The following ASAP1 variants were observed in gnomAD, a reference collection of about 807,000 sequenced individuals.
ASAP1 encodes arf-GAP with SH3 domain, ANK repeat and PH domain-containing protein 1.
A neutral mutation model predicts 145.2 loss-of-function variants in ASAP1; 43 were observed. That is an observed-to-expected ratio of 0.30 (90% confidence interval 0.23 to 0.38). The LOEUF is 0.38. Among genes scored for constraint, ASAP1 ranks in the 10% least tolerant of loss-of-function variants. The pLI, the probability that ASAP1 is intolerant of heterozygous loss-of-function variation, is 1.00. For synonymous variants in ASAP1, 546 were observed against 515.5 expected, an observed-to-expected ratio of 1.06 and a Z score of -0.80; for missense variants, 1,018 against 1,355.3, an observed-to-expected ratio of 0.75 and a Z score of 3.91.
intron 13 of ASAP1, among the ~76,000 whole-genome samples, chr8:130,142,100 G>T (rs535473665): frequency 2.0e-5 from 3 of 152,184 alleles, no homozygotes; most frequent in Non-Finnish European, 4.4e-5. Flanking sequence ...TGTGAGGGAA[G>T]TCTTCAGTTT....
chr8:130,173,494 C>A (rs902178419), intron 9 of ASAP1, among the ~76,000 whole-genome samples: 1 of 152,120 alleles, frequency 6.6e-6, no homozygotes, highest in African/African-American at 2.4e-5. Context: ...CTACTGCACA[C>A]ATGGCTCATG....
intron 3 of ASAP1, among the ~76,000 whole-genome samples, chr8:130,266,338 C>CT (rs1820243981): frequency 6.6e-6 from 1 of 151,996 alleles, no homozygotes; most frequent in Non-Finnish European, 1.5e-5. Flanking sequence ...CAACAGGGGT[C>CT]TAGACATTCA....
At chr8:130,415,294 C>T (rs1212644217) in intron 1 of ASAP1, among the ~76,000 whole-genome samples, 1 of 151,354 alleles carries the variant, frequency 6.6e-6, no homozygotes, top group Non-Finnish European at 1.5e-5. Context: ...TATAGTGAGA[C>T]TTCATCTCTA....
chr8:130,302,875 C>A (rs1398864529), intron 3 of ASAP1, among the ~76,000 whole-genome samples: 1 of 152,144 alleles, frequency 6.6e-6, no homozygotes, highest in Admixed American at 6.5e-5. Flanking sequence ...ATGGAAAGTT[C>A]TTCTTCCTGT....
intron 1 of ASAP1, among the ~76,000 whole-genome samples, chr8:130,440,417 G>C (rs1830451886): frequency 1.3e-5 from 2 of 151,448 alleles, no homozygotes; most frequent in South Asian, 2.1e-4. Context: ...TGAGGCAGGA[G>C]AATCACCTGA....
At chr8:130,321,349 T>G (rs947525099) in intron 3 of ASAP1, among the ~76,000 whole-genome samples, 1 of 152,012 alleles carries the variant, frequency 6.6e-6, no homozygotes, top group Non-Finnish European at 1.5e-5. Context: ...GGCTTACACA[T>G]GAGGGTCTGG....
At chr8:130,266,453 T>A (rs1820250471) in intron 3 of ASAP1, among the ~76,000 whole-genome samples, 1 of 152,136 alleles carries the variant, frequency 6.6e-6, no homozygotes, top group Non-Finnish European at 1.5e-5. Context: ...TAAAATCTTT[T>A]AAAAAATATT....
chr8:130,242,111 T>C (rs1230573304), intron 3 of ASAP1, among the ~76,000 whole-genome samples: 3 of 151,956 alleles, frequency 2.0e-5, no homozygotes, highest in Non-Finnish European at 2.9e-5. Context: ...TGCCTAGAAG[T>C]GGCTAGCACA....
At chr8:130,320,718 C>G (rs1282446577) in intron 3 of ASAP1, among the ~76,000 whole-genome samples, 2 of 151,640 alleles carry the variant, frequency 1.3e-5, no homozygotes, top group African/African-American at 4.8e-5. Context: ...TCTCTAGTAT[C>G]ACATTAAAAA....
intron 25 of ASAP1, among the ~76,000 whole-genome samples, chr8:130,086,336 T>C (rs560450664): frequency 6.6e-6 from 1 of 152,334 alleles, no homozygotes; most frequent in East Asian, 1.9e-4. Context: ...TGTGTAACCA[T>C]GGTTAAGAAT....
intron 2 of ASAP1, among the ~76,000 whole-genome samples, chr8:130,379,276 T>C (rs1342413493): frequency 6.6e-6 from 1 of 152,174 alleles, no homozygotes; most frequent in Non-Finnish European, 1.5e-5. Context: ...ATCGCTTCTA[T>C]TGGGCTGTCC....
chr8:130,225,964 G>T (rs564782230), intron 4 of ASAP1, among the ~76,000 whole-genome samples: 2 of 151,834 alleles, frequency 1.3e-5, no homozygotes, highest in South Asian at 2.1e-4. Flanking sequence ...CTGTAGCCTC[G>T]ATCTCCTGGC....
intron 27 of ASAP1, among the ~76,000 whole-genome samples, chr8:130,072,837 G>GA: frequency 7.5e-6 from 1 of 133,246 alleles, no homozygotes; most frequent in Non-Finnish European, 1.8e-5. Flanking sequence ...GCGCGGGGGG[G>GA]GGCAGTTTTG....
chr8:130,056,107 A>G (rs2097403471), intron 29 of ASAP1, among the ~76,000 whole-genome samples: 1 of 152,242 alleles, frequency 6.6e-6, no homozygotes, highest in Non-Finnish European at 1.5e-5. Flanking sequence ...TGATTATAAT[A>G]ATATTAACAG....
chr8:130,434,152 C>A (rs1830228127), intron 1 of ASAP1, among the ~76,000 whole-genome samples: 1 of 152,152 alleles, frequency 6.6e-6, no homozygotes, highest in East Asian at 1.9e-4. Flanking sequence ...CCCATCTCTA[C>A]TAAAAATACA....
intron 15 of ASAP1, among the ~76,000 whole-genome samples, chr8:130,130,774 T>C (rs2097581702): frequency 6.6e-6 from 1 of 151,948 alleles, no homozygotes; most frequent in Non-Finnish European, 1.5e-5. Flanking sequence ...CTAACCACCA[T>C]AGTGCACGTA....
chr8:130,358,405 C>T lies in ASAP1; in HGVS notation c.60-262G>A, dbSNP rs930082804. On this transcript the variant is annotated intron_variant, in intron 2 of 29. Coordinates refer to ENST00000518721, the MANE Select transcript of ASAP1 (RefSeq NM_018482.4). The surrounding 1 kb of genome is among the most constrained non-coding windows in gnomAD (Gnocchi z 4.1). ...GCGCGAGGCAGGGGGCTCTCCGGGACCCGCCTCCCTCTGCTCATGCCGGCG... is the reference window on the plus strand; with the variant it reads ...GCGCGAGGCAGGGGGCTCTCCGGGATCCGCCTCCCTCTGCTCATGCCGGCG... Among the ~76,000 whole-genome samples, 7 of 148,470 alleles carry T rather than the reference C, an allele frequency of 4.7e-5. No individual in the cohort carries two copies. The highest frequency in any genetic ancestry group is 1.5e-4 in the African/African-American group (6 of 40,980).
intron 24 of ASAP1, among the ~76,000 whole-genome samples, chr8:130,094,111 T>C (rs1233420900): frequency 6.6e-6 from 1 of 152,240 alleles, no homozygotes; most frequent in African/African-American, 2.4e-5. Flanking sequence ...TTTGTAACAA[T>C]ACAGAGATTG....
At chr8:130,105,527 G>A (rs370774397) in intron 24 of ASAP1, among the ~76,000 whole-genome samples, 5 of 152,150 alleles carry the variant, frequency 3.3e-5, no homozygotes, top group African/African-American at 7.2e-5. Flanking sequence ...AATACAGTAC[G>A]TTATTAACTA....
Sources: gnomAD v4.1 joint callset for allele counts (sites outside exome capture counted in the v4.1 genomes callset) on GRCh38, gnomAD v4.1.1 for gene constraint, Gnocchi (gnomAD v3.1) non-coding constraint, MANE v1.5 for transcripts, NCBI Gene and HGNC (gene_info 2026-07-23, HGNC 2026-07-21) for gene names.